Variants in KRT3 observed in about 807,000 individuals in gnomAD.
KRT3 encodes keratin, type II cytoskeletal 3.
In KRT3, 34 loss-of-function variants were observed where a neutral mutation model predicts 45.8. That is an observed-to-expected ratio of 0.74 (90% CI 0.57 to 0.99). The LOEUF is 0.99. KRT3 is among the 50% of genes least tolerant of loss of function. KRT3 has a pLI of 0.00. For synonymous variants in KRT3, 367 were observed against 329.0 expected (o/e 1.12, Z -1.25); for missense variants, 828 against 820.6 (o/e 1.01, Z -0.11).
chr12:52,791,070 C>A, intron 7 of KRT3, 136 bp downstream of exon 7: 1 of 1,411,398 alleles, frequency 7.1e-7, no homozygotes. Flanking sequence ...AGGGAGTGGG[C>A]TGGTAGAGGC....
At position 52,789,748 on chromosome 12, in the gene KRT3, A is replaced by T. The variant is rs563677613; in HGVS notation, c.*294T>A. The T allele has an allele frequency of 1.7e-6, 1 of 585,178 alleles. No homozygotes were observed. Among genetic ancestry groups the T allele is most frequent in the South Asian group, 2.0e-5 (1 of 49,126 alleles). The allele number at this position is 585,178 out of a possible 1,614,324, so 36.2% of individuals were successfully genotyped here. A position where few individuals can be genotyped will look rare whatever the true frequency, so the allele number is the denominator to read the frequency against. On this transcript the variant is annotated 3_prime_UTR_variant, in exon 9 of 9. Transcript: ENST00000417996. The stretch of plus-strand genomic sequence containing the variant: ...GCGGAGGGGGCTGTGTGCTATATAC[A>T]TCAGAGCTGTAGTGAGCATCCCACC...
At chr12:52,792,944 G>A (rs1430382197) in intron 3 of KRT3, 138 bp from the exon 4 acceptor site, 2 of 714,816 alleles carry the variant, frequency 2.8e-6, no homozygotes, top group Admixed American at 2.3e-5. Flanking sequence ...CGGGCAATTT[G>A]TATCTCATTA....
rs1304857254 is a variant in KRT3, at chr12:52,793,215, T to C, written c.875A>G (p.Asp292Gly). 6.2e-7 allele frequency: 1 copy of C among 1,605,292 alleles called. No homozygotes were observed. Among genetic ancestry groups the C allele is most frequent in the Admixed American group, 1.7e-5 (1 of 58,912 alleles). ...AGCAGCTGTACGTTTATTGATTTCA[T>C]CCTCATATCTGTGTGAATAAAAAAG... is the stretch of plus-strand genomic sequence containing the variant. ...LVEDFKKKYE[D>G]EINKRTAAEN... Residue 292 changes from aspartate to glycine, a missense_variant, in exon 3 of 9, where the codon GAT (aspartate) becomes GGT (glycine). Asp to Gly is a moderately conservative substitution (Grantham distance 94). Coordinates refer to ENST00000417996, the MANE Select transcript of KRT3 (RefSeq NM_057088.3).
Position 52,790,854 on chromosome 12 carries a change from C to G in KRT3, c.1554G>C (p.Pro518=), listed in dbSNP as rs1355070492. 8 of 1,597,492 alleles carry G rather than the reference C, an allele frequency of 5.0e-6. No homozygotes were observed. Among genetic ancestry groups the G allele is most frequent in the South Asian group, 1.1e-5 (1 of 87,792 alleles). The change falls in exon 8 of 9, where the codon CCG becomes CCC. Residue 518 remains proline (P), a synonymous_variant. Coordinates refer to ENST00000417996, the MANE Select transcript of KRT3 (RefSeq NM_057088.3). The stretch of plus-strand genomic sequence containing the variant: ...GGTACTTACAGATGCTGACAGCACT[C>G]GGACACTCTCCAGACATCCTGTTTG... ...GEEYRMSGEC[P]SAVSISVVSS...
rs1939444764 is a variant in KRT3 at position 52,789,924 on chromosome 12, T to G, written c.*118A>C. ...AAGGAGGAGCAAGAGGCCACAAGCC[T>G]TCCAGCGCAGAGCCGCGTTCTTGGG... On this transcript the variant is annotated 3_prime_UTR_variant, in exon 9 of 9. Coordinates refer to ENST00000417996, the MANE Select transcript of KRT3 (RefSeq NM_057088.3). The G allele has an allele frequency of 9.1e-7, 1 of 1,093,834 alleles. No individual in the cohort carries two copies. The highest frequency in any genetic ancestry group is 1.6e-5 in the African/African-American group (1 of 64,496). 67.8% of individuals were successfully genotyped at this position (1,093,834 alleles called of 1,614,324 possible). A position where few individuals can be genotyped will look rare whatever the true frequency, so the allele number is the denominator to read the frequency against.
At chr12:52,791,544 A>G in intron 6 of KRT3, 118 bp from the exon 7 acceptor site, 1 of 1,429,864 alleles carries the variant, frequency 7.0e-7, no homozygotes, top group South Asian at 1.3e-5. Flanking sequence ...TAGTGCCTCC[A>G]TCTTGTCTCC....
intron 4 of KRT3, 112 bp from the exon 5 acceptor site, chr12:52,792,515 G>A: frequency 8.7e-7 from 1 of 1,155,934 alleles, no homozygotes; most frequent in Non-Finnish European, 1.3e-6. Context: ...CTCCACATGT[G>A]TATCAGCCAC....
chr12:52,793,343 G>A, intron 2 of KRT3, 120 bp from the exon 3 acceptor site: 1 of 663,676 alleles, frequency 1.5e-6, no homozygotes, highest in Non-Finnish European at 2.7e-6. Context: ...GCCCCTCTCA[G>A]ATGAGCACAT....
intron 1 of KRT3, 138 bp from the exon 2 acceptor site, chr12:52,794,469 A>G: frequency 1.6e-6 from 1 of 644,112 alleles, no homozygotes; most frequent in Non-Finnish European, 2.8e-6. Flanking sequence ...ATAGGCTCCT[A>G]CTGTAGTCAG....
At chr12:52,791,652 A>C in intron 6 of KRT3, 39 bp downstream of exon 6, 1 of 1,613,456 alleles carries the variant, frequency 6.2e-7, no homozygotes, top group Non-Finnish European at 8.5e-7. Flanking sequence ...CCTGCCCCTC[A>C]GCAATCATCC....
chr12:52,791,467 G>A (rs761495321), intron 6 of KRT3, 41 bp from the exon 7 acceptor site: 4 of 1,592,840 alleles, frequency 2.5e-6, no homozygotes, highest in Non-Finnish European at 3.4e-6. Context: ...CAGTAAGAGG[G>A]CCCCAGGCCC....
rs972310288 is a variant in KRT3, at chr12:52,790,777, C to G, written c.1570+61G>C. 6.6e-6 allele frequency: 9 copies of G among 1,371,074 alleles called. No homozygotes were observed. In the African/African-American group the frequency reaches 7.2e-5, roughly 11 times the overall value. 84.9% of individuals were successfully genotyped at this position (1,371,074 alleles called of 1,614,324 possible). On this transcript the variant is annotated intron_variant, in intron 8 of 8. Transcript: ENST00000417996. ...TATGTTTAAATTAGTTGCTACTACC[C>G]TGGATTAGTGCAGATATTTCAGAAT...
Position 52,789,685 on chromosome 12 carries a change from T to C in KRT3, c.*357A>G. 1 of 395,694 alleles carries C rather than the reference T, an allele frequency of 2.5e-6. No homozygotes were observed. The highest frequency in any genetic ancestry group is 4.6e-6 in the Non-Finnish European group (1 of 216,062). 24.5% of individuals were successfully genotyped at this position (395,694 alleles called of 1,614,324 possible). Reference sequence around the variant, plus strand: ...GGAGCGAATACTCAGAGGCCCGGAGTGAAACACAGTGCACTTTATTGGCGA... The same window carrying C: ...GGAGCGAATACTCAGAGGCCCGGAGCGAAACACAGTGCACTTTATTGGCGA... On this transcript the variant is annotated 3_prime_UTR_variant, in exon 9 of 9. Coordinates refer to ENST00000417996, the MANE Select transcript of KRT3 (RefSeq NM_057088.3).
At position 52,791,672 on chromosome 12, in the gene KRT3, G is replaced by A; in HGVS notation, c.1314+19C>T. Reference sequence around the variant, plus strand: ...CCCTCAGCAATCATCCCAGGTGCCAGCATCCATGACCATCCCACCTGCTTC... The same window carrying A: ...CCCTCAGCAATCATCCCAGGTGCCAACATCCATGACCATCCCACCTGCTTC... On this transcript the variant is annotated intron_variant, in intron 6 of 8. Coordinates refer to ENST00000417996, the MANE Select transcript of KRT3 (RefSeq NM_057088.3). 2 of 1,613,946 alleles carry A rather than the reference G, an allele frequency of 1.2e-6. No individual in the cohort carries two copies. The highest frequency in any genetic ancestry group is 1.7e-6 in the Non-Finnish European group (2 of 1,179,854).
At chr12:52,791,131 T>G in intron 7 of KRT3, 75 bp downstream of exon 7, 1 of 1,604,692 alleles carries the variant, frequency 6.2e-7, no homozygotes, top group Non-Finnish European at 8.5e-7. Context: ...CCATCCCCAG[T>G]TACTTGGTCA....
chr12:52,791,840 G>A (rs1469464872), intron 5 of KRT3, 24 bp from the exon 6 acceptor site: 1 of 1,607,372 alleles, frequency 6.2e-7, no homozygotes, highest in Non-Finnish European at 8.5e-7. Context: ...GGGAAGATGG[G>A]GTATTCCTGC....
In KRT3 at chr12:52,794,091, A is replaced by T. The variant is rs1018048532; in HGVS notation, c.866+20T>A. On this transcript the variant is annotated intron_variant, in intron 2 of 8. Transcript: ENST00000417996. ...ACAGGGTGGGCCATGGCATCTTCCC[A>T]CTCCTGCCCTGTCACTCACTTCTTC... is the stretch of plus-strand genomic sequence containing the variant. 5 of 1,596,222 alleles carry T rather than the reference A, an allele frequency of 3.1e-6. No individual in the cohort carries two copies. The Admixed American group carries it at 5.0e-5, about 16-fold the overall frequency.
At chr12:52,792,090 A>G (rs1158034009) in intron 5 of KRT3, 149 bp downstream of exon 5, 5 of 755,258 alleles carry the variant, frequency 6.6e-6, no homozygotes, top group Non-Finnish European at 1.1e-5. Flanking sequence ...ACTTTCTGCA[A>G]CTGAACCACC....
chr12:52,794,161 C>G lies in KRT3; in HGVS notation c.816G>C (p.Leu272=). 1 of 1,614,184 alleles carries G rather than the reference C, an allele frequency of 6.2e-7. No homozygotes were observed. Among genetic ancestry groups the G allele is most frequent in the Non-Finnish European group, 8.5e-7 (1 of 1,180,034 alleles). Residue 272 remains leucine, a synonymous_variant, in exon 2 of 9, where the codon CTG becomes CTC. Coordinates refer to ENST00000417996, the MANE Select transcript of KRT3 (RefSeq NM_057088.3). ...CCTCCATGTTCTTCAGCTCAGAGTCCAGGCGCCCTCTCTCCCCGAGGATGT... is the reference window on the plus strand; with the variant it reads ...CCTCCATGTTCTTCAGCTCAGAGTCGAGGCGCCCTCTCTCCCCGAGGATGT... ...LDNILGERGR[L]DSELKNMEDL...
Sources: allele counts gnomAD v4.1 joint callset, GRCh38; gene constraint gnomAD v4.1.1; transcripts MANE v1.5; gene names NCBI Gene and HGNC (gene_info 2026-07-23, HGNC 2026-07-21).